Variants in RPTOR observed in about 807,000 individuals in gnomAD.
The protein encoded by RPTOR is regulatory-associated protein of mTOR.
RPTOR carries 21 observed loss-of-function variants against 169.9 expected under a neutral mutation model. That is an observed-to-expected ratio of 0.12 (90% CI 0.09 to 0.18). The LOEUF (loss-of-function observed/expected upper bound fraction) is 0.18. Ranked by LOEUF, RPTOR falls within the 10% of genes least tolerant of loss-of-function variation. The pLI is 1.00. For missense variants in RPTOR, 1,133 were observed against 1,855.9 expected (o/e 0.61, Z 7.16); for synonymous variants, 732 against 753.2 (o/e 0.97, Z 0.46).
At chr17:80,775,147 G>C (rs749145278) in intron 6 of RPTOR, among the ~76,000 whole-genome samples, 74 of 152,242 alleles carry the variant, frequency 4.9e-4, no homozygotes, top group Non-Finnish European at 2.2e-4. Context: ...GTTTCCTGCA[G>C]TGGAGAAGAT....
chr17:80,966,302 A>T lies in RPTOR; in HGVS notation c.*1972A>T, dbSNP rs897551124. 1.3e-5 allele frequency: 3 copies of T among 232,098 alleles called. No individual in the cohort carries two copies. Among genetic ancestry groups the T allele is most frequent in the African/African-American group, 6.6e-5 (3 of 45,268 alleles). The allele number at this position is 232,098 out of a possible 1,614,324, so 14.4% of individuals were successfully genotyped here. ...CAAACGCGAATTGAGACGGACTTTG[A>T]CAAAACACGAAATGGTAATGTGAAG... On this transcript the variant is annotated 3_prime_UTR_variant, in exon 34 of 34. Coordinates refer to ENST00000306801, the MANE Select transcript of RPTOR (RefSeq NM_020761.3).
intron 7 of RPTOR, among the ~76,000 whole-genome samples, chr17:80,797,326 T>C (rs2067111130): frequency 6.6e-6 from 1 of 152,222 alleles, no homozygotes; most frequent in African/African-American, 2.4e-5. Flanking sequence ...TTTGGTTTTT[T>C]TTGTAGAGAC....
chr17:80,817,281 C>T (rs548867249), intron 7 of RPTOR, among the ~76,000 whole-genome samples: 2 of 152,200 alleles, frequency 1.3e-5, no homozygotes, highest in South Asian at 4.1e-4. Flanking sequence ...CAAGTTTAGG[C>T]CTGGAAGTGA....
At chr17:80,616,578 T>C (rs2065312212) in intron 1 of RPTOR, among the ~76,000 whole-genome samples, 1 of 152,226 alleles carries the variant, frequency 6.6e-6, no homozygotes, top group Non-Finnish European at 1.5e-5. Context: ...ATTATAGGCA[T>C]GAGCCACCGC....
rs1248005972 is a variant in RPTOR at position 80,679,037 on chromosome 17, A to G, written c.349-28804A>G. On this transcript the variant is annotated intron_variant, in intron 3 of 33. Coordinates refer to ENST00000306801, the MANE Select transcript of RPTOR (RefSeq NM_020761.3). ...TGGCCTCTGCTTCTTCTGATTATTCACACTGTCCATTATTGATTACTCCTT... is the reference window on the plus strand; with the variant it reads ...TGGCCTCTGCTTCTTCTGATTATTCGCACTGTCCATTATTGATTACTCCTT... 2.0e-5 allele frequency among the ~76,000 whole-genome samples: 3 copies of G among 152,318 alleles called. No individual in the cohort carries two copies. The East Asian group carries it at 5.8e-4, about 29-fold the overall frequency.
intron 3 of RPTOR, among the ~76,000 whole-genome samples, chr17:80,674,046 G>T (rs566542714): frequency 6.6e-6 from 1 of 152,232 alleles, no homozygotes; most frequent in African/African-American, 2.4e-5. Context: ...TTGGTGCATT[G>T]CCCCCATCAA....
At chr17:80,880,523 G>C in intron 14 of RPTOR, 34 bp downstream of exon 14, 1 of 1,600,132 alleles carries the variant, frequency 6.2e-7, no homozygotes, top group East Asian at 2.2e-5. Context: ...CCACGGGCTT[G>C]GGACTCAGCA....
chr17:80,718,225 G>A (rs2066255823), intron 4 of RPTOR, among the ~76,000 whole-genome samples: 2 of 152,238 alleles, frequency 1.3e-5, no homozygotes, highest in South Asian at 4.1e-4. Context: ...GTTTTATGTG[G>A]TTTTGCATTT....
intron 3 of RPTOR, among the ~76,000 whole-genome samples, chr17:80,671,885 A>G (rs560977003): frequency 4.6e-5 from 7 of 152,312 alleles, no homozygotes; most frequent in Non-Finnish European, 7.4e-5. Flanking sequence ...GAAGGAGGCA[A>G]TTATTGTCAT....
chr17:80,596,203 C>T (rs920461357), intron 1 of RPTOR, among the ~76,000 whole-genome samples: 6 of 152,322 alleles, frequency 3.9e-5, no homozygotes, highest in African/African-American at 9.6e-5. Context: ...GCCTTGATCT[C>T]ATGCTCACAT....
In RPTOR at chr17:80,704,354, C is replaced by T. The variant is rs9652896; in HGVS notation, c.349-3487C>T. On this transcript the variant is annotated intron_variant, in intron 3 of 33. Coordinates refer to ENST00000306801, the MANE Select transcript of RPTOR (RefSeq NM_020761.3). Reference sequence around the variant, plus strand: ...TCAGCCAACATTCAGGTATTTAGAACATTAAGACTCAGTGGCCTGGTTCTG... The same window carrying T: ...TCAGCCAACATTCAGGTATTTAGAATATTAAGACTCAGTGGCCTGGTTCTG... Among the ~76,000 whole-genome samples, 359 of 152,294 alleles carry T rather than the reference C, an allele frequency of 2.4e-3. 2 individuals carry two copies. Among genetic ancestry groups the T allele is most frequent in the African/African-American group, 8.3e-3 (343 of 41,562 alleles).
intron 7 of RPTOR, among the ~76,000 whole-genome samples, chr17:80,819,033 G>A (rs143569296): frequency 2.0e-5 from 3 of 152,346 alleles, no homozygotes; most frequent in Non-Finnish European, 2.9e-5. Flanking sequence ...CGTTAGGGAT[G>A]TGTTTAGTCC....
chr17:80,807,488 T>C (rs1317560723), intron 7 of RPTOR, among the ~76,000 whole-genome samples: 1 of 152,114 alleles, frequency 6.6e-6, no homozygotes, highest in Non-Finnish European at 1.5e-5. Flanking sequence ...GTAGCTGGGA[T>C]TACAGGCACA....
intron 3 of RPTOR, among the ~76,000 whole-genome samples, chr17:80,699,841 C>T (rs1042904306): frequency 2.7e-5 from 4 of 150,120 alleles, no homozygotes; most frequent in Admixed American, 2.0e-4. Flanking sequence ...GTGCTGTGCA[C>T]GGTACCCTGG....
intron 31 of RPTOR, 47 bp downstream of exon 31, chr17:80,961,527 T>G (rs760913875): frequency 3.1e-5 from 48 of 1,524,272 alleles, no homozygotes; most frequent in Middle Eastern, 2.0e-4. Context: ...AAAAACATTA[T>G]TTTCCCCTCC....
chr17:80,606,095 TC>T (rs2065226611), intron 1 of RPTOR, among the ~76,000 whole-genome samples: 2 of 152,130 alleles, frequency 1.3e-5, no homozygotes, highest in Admixed American at 1.3e-4. Context: ...CACTGCAAGT[TC>T]CGCCTCCCGG....
At chr17:80,892,335 C>T (rs950238408) in intron 18 of RPTOR, among the ~76,000 whole-genome samples, 1 of 152,156 alleles carries the variant, frequency 6.6e-6, no homozygotes, top group Non-Finnish European at 1.5e-5. Context: ...TGAGGCCTCA[C>T]TGCTTCTAGG....
chr17:80,620,660 G>T (rs868118847), intron 1 of RPTOR, among the ~76,000 whole-genome samples: 3 of 152,236 alleles, frequency 2.0e-5, no homozygotes, highest in Non-Finnish European at 4.4e-5. Flanking sequence ...CAGCTACTTG[G>T]GAGGCTGAGG....
At chr17:80,756,572 G>A (rs1037137929) in intron 6 of RPTOR, among the ~76,000 whole-genome samples, 11 of 152,154 alleles carry the variant, frequency 7.2e-5, no homozygotes, top group Non-Finnish European at 1.3e-4. Flanking sequence ...CTGCAGCAAG[G>A]ATACCAATGT....
Sources: allele counts gnomAD v4.1 joint callset (sites outside exome capture counted in the v4.1 genomes callset), GRCh38; gene constraint gnomAD v4.1.1; transcripts MANE v1.5; gene names NCBI Gene and HGNC (gene_info 2026-07-23, HGNC 2026-07-21).